The following ADAMTS18 variants were observed in gnomAD, a reference collection of about 807,000 sequenced individuals.
The protein encoded by ADAMTS18 is ADAM metallopeptidase with thrombospondin type 1 motif 18, also known as A disintegrin and metalloproteinase with thrombospondin motifs 18.
In ADAMTS18, 157 loss-of-function variants were observed where a neutral mutation model predicts 165.9. The observed-to-expected ratio is 0.95, with a 90% confidence interval of 0.83 to 1.08. ADAMTS18 has a LOEUF of 1.08. Among genes scored for constraint, ADAMTS18 ranks in the 50% least tolerant of loss-of-function variants. The probability of loss-of-function intolerance (pLI) is 0.00; values close to 1 mark genes in which losing one functional copy is unlikely to be tolerated. For synonymous variants in ADAMTS18, 782 were observed against 578.2 expected (o/e 1.35, Z -5.06); for missense variants, 2,040 against 1,534.0 (o/e 1.33, Z -5.51).
chr16:77,293,894 C>T (rs2055416143), intron 19 of ADAMTS18, among the ~76,000 whole-genome samples: 2 of 151,550 alleles, frequency 1.3e-5, no homozygotes, highest in Admixed American at 1.3e-4. Context: ...TGCTGGGCAG[C>T]CCAGTTCCTT....
intron 3 of ADAMTS18, among the ~76,000 whole-genome samples, chr16:77,424,180 G>A (rs2057641354): frequency 1.3e-5 from 2 of 152,170 alleles, no homozygotes; most frequent in Non-Finnish European, 2.9e-5. Flanking sequence ...GAAAAGGCAG[G>A]CAGGCAGGCC....
At chr16:77,384,566 TG>T (rs1445522946) in intron 3 of ADAMTS18, among the ~76,000 whole-genome samples, 19 of 152,134 alleles carry the variant, frequency 1.2e-4, no homozygotes, top group African/African-American at 4.1e-4. Flanking sequence ...TTCTGTACAT[TG>T]GGGAACGTCT....
In ADAMTS18 at chr16:77,431,524, G is replaced by A. The variant is rs1054279062; in HGVS notation, c.266C>T (p.Ser89Leu). The change falls in exon 3 of 23, where the codon TCG becomes TTG. Residue 89 changes from serine (S) to leucine (L), a missense_variant. By Grantham distance (145) the Ser-to-Leu change is moderately radical. Transcript: ENST00000282849. ...CAGGGAGCTTCTGGCATTCTGCGCC[G>A]ATCGCTTTTTCCTGCCGTTGTGCAA... ...DILHNGRKKR[S>L]AQNARSSLHY... is the part of the protein sequence containing the mutation. 5.6e-6 allele frequency: 9 copies of A among 1,614,016 alleles called. No homozygotes were observed. Among genetic ancestry groups the A allele is most frequent in the South Asian group, 1.1e-5 (1 of 91,084 alleles).
chr16:77,300,003 TTA>T (rs941396175), intron 17 of ADAMTS18: 6 of 351,124 alleles, frequency 1.7e-5, no homozygotes, highest in African/African-American at 1.2e-4. Flanking sequence ...TCAATATATT[TTA>T]TATGTTTTTC....
In ADAMTS18 at chr16:77,367,583, C is replaced by G. The variant is rs759440615; in HGVS notation, c.636G>C (p.Gln212His). ...CAGAGCCGGGGTAGCCACGGTACCG[C>G]TGGATCTTCTCCTCTGCTGTCCTTT... Reference protein sequence around the residue: ...LYKRTAEEKIQRYRGYPGSGR... With the variant: ...LYKRTAEEKIHRYRGYPGSGR... The change falls in exon 4 of 23, where the codon CAG becomes CAC. Residue 212 changes from glutamine to histidine, a missense_variant. Physicochemically the swap from Gln to His is conservative, Grantham distance 24. Coordinates refer to ENST00000282849, the MANE Select transcript of ADAMTS18 (RefSeq NM_199355.4). The G allele has an allele frequency of 2.5e-6, 4 of 1,614,188 alleles. No individual in the cohort carries two copies. Among genetic ancestry groups the G allele is most frequent in the South Asian group, 2.2e-5 (2 of 91,078 alleles).
chr16:77,424,040 C>A (rs555307147), intron 3 of ADAMTS18, among the ~76,000 whole-genome samples: 1 of 152,156 alleles, frequency 6.6e-6, no homozygotes, highest in South Asian at 2.1e-4. Flanking sequence ...TAAATCTTCA[C>A]AATCTTATGA....
intron 15 of ADAMTS18, among the ~76,000 whole-genome samples, chr16:77,320,506 G>A (rs1483293038): frequency 1.3e-5 from 2 of 152,090 alleles, no homozygotes; most frequent in African/African-American, 4.8e-5. Context: ...GGACATGGTG[G>A]CAGGTGCCTG....
At chr16:77,300,216 G>C (rs1410328465) in intron 17 of ADAMTS18, 47 bp downstream of exon 17, 1 of 1,611,456 alleles carries the variant, frequency 6.2e-7, no homozygotes, top group Admixed American at 1.7e-5. Flanking sequence ...GAAAGAACCT[G>C]TTTTAAGAGA....
intron 22 of ADAMTS18, among the ~76,000 whole-genome samples, chr16:77,284,350 A>G (rs868515276): frequency 7.2e-5 from 11 of 152,084 alleles, no homozygotes; most frequent in African/African-American, 2.2e-4. Flanking sequence ...CTGGTCTCAA[A>G]TTCCTGAGCT....
chr16:77,424,406 T>C (rs1021259090), intron 3 of ADAMTS18, among the ~76,000 whole-genome samples: 4 of 151,020 alleles, frequency 2.6e-5, no homozygotes, highest in African/African-American at 9.8e-5. Flanking sequence ...AGGCAGAGGT[T>C]GCAGTGAGCC....
chr16:77,293,346 T>C, intron 19 of ADAMTS18, 88 bp from the exon 20 acceptor site: 1 of 1,173,784 alleles, frequency 8.5e-7, no homozygotes, highest in East Asian at 2.3e-5. Context: ...AATATATTCC[T>C]GTGAAAGGTG....
chr16:77,351,091 C>A (rs1387383155), intron 10 of ADAMTS18, among the ~76,000 whole-genome samples: 1 of 152,184 alleles, frequency 6.6e-6, no homozygotes, highest in East Asian at 1.9e-4. Context: ...TTGGAAATCC[C>A]TCCTGGCTAG....
chr16:77,292,345 C>CA (rs1294665834), intron 20 of ADAMTS18, among the ~76,000 whole-genome samples: 3 of 152,146 alleles, frequency 2.0e-5, no homozygotes, highest in African/African-American at 7.2e-5. Context: ...TCTAGTGTGT[C>CA]ACCCAAGGCC....
intron 10 of ADAMTS18, among the ~76,000 whole-genome samples, chr16:77,346,439 A>G (rs1202044254): frequency 3.3e-5 from 5 of 152,026 alleles, no homozygotes; most frequent in Non-Finnish European, 7.4e-5. Flanking sequence ...TGTAATAAAG[A>G]CTCTGGAATT....
intron 3 of ADAMTS18, among the ~76,000 whole-genome samples, chr16:77,380,169 G>A (rs1394722224): frequency 6.6e-6 from 1 of 152,116 alleles, no homozygotes; most frequent in Non-Finnish European, 1.5e-5. Flanking sequence ...AACCCACTGG[G>A]GCTCCAGAAC....
At chr16:77,383,235 C>T (rs961603778) in intron 3 of ADAMTS18, among the ~76,000 whole-genome samples, 4 of 151,990 alleles carry the variant, frequency 2.6e-5, no homozygotes, top group South Asian at 2.1e-4. Flanking sequence ...TCCAAAGCAT[C>T]GCTTTTAACG....
At chr16:77,388,139 G>C (rs896242817) in intron 3 of ADAMTS18, among the ~76,000 whole-genome samples, 2 of 152,184 alleles carry the variant, frequency 1.3e-5, no homozygotes, top group Admixed American at 6.5e-5. Flanking sequence ...TCACTCTGTT[G>C]CCCAGGCTGG....
chr16:77,360,237 A>G (rs2562114), intron 7 of ADAMTS18, among the ~76,000 whole-genome samples: 80,619 of 152,038 alleles, frequency 0.53, 21,901 homozygotes, highest in Non-Finnish European at 0.59. Context: ...TATCATTACT[A>G]CCATCGTCAT....
At chr16:77,344,872 C>T (rs2056452918) in intron 10 of ADAMTS18, among the ~76,000 whole-genome samples, 1 of 152,054 alleles carries the variant, frequency 6.6e-6, no homozygotes, top group Admixed American at 6.6e-5. Flanking sequence ...CCATGAAAGC[C>T]CCTTGAGAAG....
Sources: allele counts gnomAD v4.1 joint callset (sites outside exome capture counted in the v4.1 genomes callset), GRCh38; gene constraint gnomAD v4.1.1; transcripts MANE v1.5; gene names NCBI Gene and HGNC (gene_info 2026-07-23, HGNC 2026-07-21).